The following KIAA1671 variants were observed in gnomAD, a reference collection of about 807,000 sequenced individuals.
KIAA1671 encodes KIAA1671.
In KIAA1671, 52 loss-of-function variants were observed where a neutral mutation model predicts 131.2. The observed-to-expected ratio is 0.40, with a 90% confidence interval of 0.32 to 0.50. The LOEUF (loss-of-function observed/expected upper bound fraction) is 0.50. KIAA1671 is among the 20% of genes least tolerant of loss of function. The pLI, the probability that KIAA1671 is intolerant of heterozygous loss-of-function variation, is 0.73. For missense variants in KIAA1671, 2,360 were observed against 2,364.2 expected, an observed-to-expected ratio of 1.00 and a Z score of 0.04; for synonymous variants, 1,003 against 961.6, an observed-to-expected ratio of 1.04 and a Z score of -0.80.
At position 25,029,101 on chromosome 22, in the gene KIAA1671, A is replaced by G; in HGVS notation, c.1102A>G (p.Arg368Gly). ...TTCGAAGCCGGAGATGGGCAGCCCC[A>G]GAGCCCTGGTGGGGGGCTCATCTGG... The part of the protein sequence containing the change: ...MLSKPEMGSP[R>G]ALVGGSSGVT... The change falls in exon 3 of 13, where the codon AGA becomes GGA. Residue 368 changes from arginine (R) to glycine (G), a missense_variant. Physicochemically the swap from Arg to Gly is moderately radical, Grantham distance 125 (BLOSUM62 -2). Coordinates refer to ENST00000358431, the MANE Select transcript of KIAA1671 (RefSeq NM_001145206.2). 1 of 1,481,616 alleles carries G rather than the reference A, an allele frequency of 6.7e-7. No homozygotes were observed. Among genetic ancestry groups the G allele is most frequent in the Non-Finnish European group, 9.0e-7 (1 of 1,114,648 alleles). The allele number at this position is 1,481,616 out of a possible 1,614,324, so 91.8% of individuals were successfully genotyped here.
At chr22:24,980,725 C>T (rs1923184222) in intron 1 of KIAA1671, among the ~76,000 whole-genome samples, 1 of 152,030 alleles carries the variant, frequency 6.6e-6, no homozygotes, top group African/African-American at 2.4e-5. Context: ...TATTCACATC[C>T]TTGCCAACAC....
intron 5 of KIAA1671, among the ~76,000 whole-genome samples, chr22:25,042,264 T>C (rs1283651458): frequency 6.6e-6 from 1 of 152,236 alleles, no homozygotes; most frequent in Non-Finnish European, 1.5e-5. Flanking sequence ...ACGATAATGA[T>C]AGATATCAAT....
At chr22:25,033,213 C>G (rs1926386042) in intron 4 of KIAA1671, among the ~76,000 whole-genome samples, 1 of 151,814 alleles carries the variant, frequency 6.6e-6, no homozygotes, top group South Asian at 2.1e-4. Context: ...TAGTGAGACT[C>G]TTATCTCTAA....
chr22:25,179,860 T>C (rs1187828701), intron 9 of KIAA1671, among the ~76,000 whole-genome samples: 1 of 152,238 alleles, frequency 6.6e-6, no homozygotes, highest in Admixed American at 6.5e-5. Flanking sequence ...TATCAATCTT[T>C]TCTGTTTTCT....
intron 6 of KIAA1671, among the ~76,000 whole-genome samples, chr22:25,160,676 T>C (rs911472600): frequency 1.3e-5 from 2 of 152,142 alleles, no homozygotes; most frequent in African/African-American, 4.8e-5. Flanking sequence ...ACCATCCCCC[T>C]GCCTCAGCCA....
At chr22:24,957,953 C>T (rs941727232) in intron 1 of KIAA1671, among the ~76,000 whole-genome samples, 1 of 145,596 alleles carries the variant, frequency 6.9e-6, no homozygotes, top group African/African-American at 2.6e-5. Context: ...GCTGGGATTA[C>T]AGGCACCCGG....
intron 6 of KIAA1671, among the ~76,000 whole-genome samples, chr22:25,069,005 C>G (rs949400338): frequency 7.0e-6 from 1 of 143,212 alleles, no homozygotes; most frequent in African/African-American, 2.9e-5. Context: ...GCTCACTTGC[C>G]GGAGTCTCTG....
chr22:25,167,964 T>C (rs1450235587), intron 6 of KIAA1671, among the ~76,000 whole-genome samples: 1 of 152,124 alleles, frequency 6.6e-6, no homozygotes, highest in Admixed American at 6.5e-5. Flanking sequence ...CTCACTGAAT[T>C]CTTGTAACTT....
chr22:25,183,394 C>G (rs1344101781), intron 10 of KIAA1671, among the ~76,000 whole-genome samples: 1 of 151,538 alleles, frequency 6.6e-6, no homozygotes, highest in African/African-American at 2.4e-5. Context: ...CTTTCAGTCA[C>G]TAGAACTAGG....
chr22:24,975,439 C>T (rs1922863433), intron 1 of KIAA1671, among the ~76,000 whole-genome samples: 1 of 152,010 alleles, frequency 6.6e-6, no homozygotes, highest in South Asian at 2.1e-4. Flanking sequence ...CTGCTTCAGC[C>T]TCCTAAGTAG....
intron 10 of KIAA1671, among the ~76,000 whole-genome samples, chr22:25,183,257 T>G (rs1338555412): frequency 6.6e-6 from 1 of 152,234 alleles, no homozygotes; most frequent in Non-Finnish European, 1.5e-5. Flanking sequence ...GCGCCGTGAC[T>G]CTGTTGCTCC....
chr22:25,165,821 G>A (rs1052672823), intron 6 of KIAA1671, among the ~76,000 whole-genome samples: 1 of 152,082 alleles, frequency 6.6e-6, no homozygotes, highest in African/African-American at 2.4e-5. Context: ...CAGGCCTGGA[G>A]GTGAGAGGGA....
chr22:25,071,800 A>G (rs1928843599), intron 6 of KIAA1671, among the ~76,000 whole-genome samples: 3 of 152,132 alleles, frequency 2.0e-5, no homozygotes, highest in Admixed American at 2.0e-4. Context: ...TTCAGCACAC[A>G]CTTACCAGCA....
chr22:25,008,328 C>G (rs1420791494), intron 1 of KIAA1671, among the ~76,000 whole-genome samples: 1 of 152,078 alleles, frequency 6.6e-6, no homozygotes, highest in East Asian at 1.9e-4. Context: ...CTTGTCTGCC[C>G]TGCCTCAGCT....
intron 6 of KIAA1671, among the ~76,000 whole-genome samples, chr22:25,093,919 C>T (rs1220682700): frequency 7.0e-6 from 1 of 143,508 alleles, no homozygotes; most frequent in Non-Finnish European, 1.5e-5. Context: ...CTGCTCCTGA[C>T]AGTGATGCTG....
chr22:25,103,212 C>CTTT lies in KIAA1671; in HGVS notation c.4530+53861_4530+53863dup, dbSNP rs10631725. Among the ~76,000 whole-genome samples the CTTT allele has an allele frequency of 9.5e-4, 133 of 140,326 alleles. 3 individuals carry two copies. The highest frequency in any genetic ancestry group is 1.8e-3 in the African/African-American group (68 of 37,868). The allele number at this position is 140,326 out of a possible 152,430, so 92.1% of individuals were successfully genotyped here. A position where few individuals can be genotyped will look rare whatever the true frequency, so the allele number is the denominator to read the frequency against. ...CTTGGGCAAGTCCCCCCCCAACCGCCTTTTTTTTTTTTTTTGAGAACGGCG... is the reference window on the plus strand; with the variant it reads ...CTTGGGCAAGTCCCCCCCCAACCGCCTTTTTTTTTTTTTTTTTTGAGAACGGCG... On this transcript the variant is annotated intron_variant, in intron 6 of 12. Transcript: ENST00000358431.
Position 25,029,449 on chromosome 22 carries a change from A to G in KIAA1671, c.1450A>G (p.Arg484Gly). 1 of 1,551,348 alleles carries G rather than the reference A, an allele frequency of 6.4e-7. No homozygotes were observed. The highest frequency in any genetic ancestry group is 8.7e-7 in the Non-Finnish European group (1 of 1,146,828). ...GGTTGTGAGCGTTCAGGAACGGATC[A>G]GAGGCTGGACTGCCGAGAGCTCAGA... ...KGVVSVQERI[R>G]GWTAESSEAK... is the part of the protein sequence containing the mutation. Residue 484 changes from arginine (R) to glycine (G), a missense_variant, in exon 3 of 13, where the codon AGA (arginine) becomes GGA (glycine). Physicochemically the swap from Arg to Gly is moderately radical, Grantham distance 125. Coordinates refer to ENST00000358431, the MANE Select transcript of KIAA1671 (RefSeq NM_001145206.2).
chr22:25,034,458 C>T (rs1926477497), intron 4 of KIAA1671, among the ~76,000 whole-genome samples: 1 of 151,862 alleles, frequency 6.6e-6, no homozygotes, highest in Non-Finnish European at 1.5e-5. Flanking sequence ...GGAATCAGTC[C>T]TCTTTTTTTT....
chr22:25,032,541 G>T lies in KIAA1671; in HGVS notation c.1542-68G>T. 4.1e-6 allele frequency: 4 copies of T among 980,486 alleles called. No homozygotes were observed. In the South Asian group the frequency reaches 6.0e-5, roughly 15 times the overall value. The allele number at this position is 980,486 out of a possible 1,614,324, so 60.7% of individuals were successfully genotyped here. On this transcript the variant is annotated intron_variant, in intron 3 of 12. Transcript: ENST00000358431. Reference sequence around the variant, plus strand: ...AAGGTTACTTGGCCTGGCCTCCTGAGCTGGTGTGTGGGCTGGGGGGAATAA... The same window carrying T: ...AAGGTTACTTGGCCTGGCCTCCTGATCTGGTGTGTGGGCTGGGGGGAATAA...
Sources: gnomAD v4.1 joint callset for allele counts (sites outside exome capture counted in the v4.1 genomes callset) on GRCh38, gnomAD v4.1.1 for gene constraint, MANE v1.5 for transcripts, NCBI Gene and HGNC (gene_info 2026-07-23, HGNC 2026-07-21) for gene names.